The following TCF4 variants were observed in gnomAD, a reference collection of about 807,000 sequenced individuals.
TCF4 encodes SL3-3 enhancer factor 2.
Under a neutral mutation model 82.1 loss-of-function variants are expected in TCF4, and 3 were observed. That is an observed-to-expected ratio of 0.04 (90% CI 0.02 to 0.09). TCF4 has a LOEUF of 0.09. Ranked by LOEUF, TCF4 falls within the 10% of genes least tolerant of loss-of-function variation. The pLI, the probability that TCF4 is intolerant of heterozygous loss-of-function variation, is 1.00. For synonymous variants in TCF4, 276 were observed against 309.6 expected, an observed-to-expected ratio of 0.89 and a Z score of 1.14; for missense variants, 518 against 852.7, an observed-to-expected ratio of 0.61 and a Z score of 4.89.
chr18:55,398,819 C>T (rs2093640664), intron 6 of TCF4, among the ~76,000 whole-genome samples: 1 of 152,178 alleles, frequency 6.6e-6, no homozygotes, highest in African/African-American at 2.4e-5. Context: ...GGTCCCTGCC[C>T]TCCAGGAGTT....
intron 7 of TCF4, 149 bp downstream of exon 7, chr18:55,350,725 G>C (rs541809000): frequency 7.8e-6 from 8 of 1,027,204 alleles, no homozygotes; most frequent in Admixed American, 6.3e-5. Context: ...AGTGTACTAG[G>C]GGGGAAGTCT....
intron 11 of TCF4, chr18:55,268,476 G>T (rs2145918887): frequency 6.6e-6 from 1 of 152,050 alleles, no homozygotes; most frequent in African/African-American, 2.4e-5. Flanking sequence ...GCTCTCCAAG[G>T]TCAAACTGAT....
At chr18:55,512,312 C>T (rs1282691580) in intron 3 of TCF4, among the ~76,000 whole-genome samples, 1 of 152,100 alleles carries the variant, frequency 6.6e-6, no homozygotes, top group Non-Finnish European at 1.5e-5. Flanking sequence ...TATTACGCTG[C>T]CTTTAAAAAT....
chr18:55,460,176 T>C (rs532023892), intron 5 of TCF4, among the ~76,000 whole-genome samples: 2 of 152,298 alleles, frequency 1.3e-5, no homozygotes, highest in Admixed American at 6.5e-5. Context: ...ACTTCACTTA[T>C]TGACAGATTC....
chr18:55,289,975 G>A (rs1350185898), intron 8 of TCF4, among the ~76,000 whole-genome samples: 2 of 152,046 alleles, frequency 1.3e-5, no homozygotes, highest in African/African-American at 4.8e-5. Context: ...CTAAGTGCAT[G>A]CATGCATGAA....
intron 5 of TCF4, among the ~76,000 whole-genome samples, chr18:55,442,630 G>C (rs1280498201): frequency 1.3e-5 from 2 of 152,138 alleles, no homozygotes; most frequent in African/African-American, 4.8e-5. Flanking sequence ...AAAAGCTACA[G>C]AGAAAATCTG....
chr18:55,382,389 C>T (rs2092050896), intron 6 of TCF4, among the ~76,000 whole-genome samples: 1 of 151,898 alleles, frequency 6.6e-6, no homozygotes, highest in African/African-American at 2.4e-5. Flanking sequence ...CTATAAGATG[C>T]CACTGAATGT....
intron 10 of TCF4, among the ~76,000 whole-genome samples, chr18:55,275,016 A>G (rs1249583309): frequency 3.9e-5 from 6 of 152,094 alleles, no homozygotes; most frequent in Non-Finnish European, 8.8e-5. Context: ...AGTGACGCAA[A>G]ACACAGTATG....
intron 3 of TCF4, among the ~76,000 whole-genome samples, chr18:55,542,722 A>G (rs572448018): frequency 7.6e-4 from 116 of 152,084 alleles, no homozygotes; most frequent in Non-Finnish European, 1.4e-3. Flanking sequence ...TGTCCACACT[A>G]ACTAAATATA....
chr18:55,234,505 T>C, intron 16 of TCF4, 43 bp downstream of exon 16: 1 of 1,614,018 alleles, frequency 6.2e-7, no homozygotes, highest in East Asian at 2.2e-5. Context: ...ACTGGTCCTA[T>C]TGTGAAAGTG....
chr18:55,415,525 T>C (rs941647326), intron 5 of TCF4, among the ~76,000 whole-genome samples: 12 of 152,208 alleles, frequency 7.9e-5, no homozygotes, highest in Admixed American at 2.0e-4. Context: ...ACTTATTTAG[T>C]ACTAAGTCTC....
chr18:55,222,617 A>G lies in TCF4; in HGVS notation c.*5418T>C, dbSNP rs886053938. On this transcript the variant is annotated 3_prime_UTR_variant, in exon 20 of 20. Coordinates refer to ENST00000354452, the MANE Select transcript of TCF4 (RefSeq NM_001083962.2). ...AAGAGCAATATTGGAGACATCCCCA[A>G]ATACCACGTACTTGATTAGAACATT... is the stretch of plus-strand genomic sequence containing the variant. The G allele has an allele frequency of 1.3e-5, 2 of 152,614 alleles. No homozygotes were observed. Among genetic ancestry groups the G allele is most frequent in the Admixed American group, 6.5e-5 (1 of 15,270 alleles). The allele number at this position is 152,614 out of a possible 1,614,324, so 9.5% of individuals were successfully genotyped here.
At chr18:55,410,680 TG>T (rs2094308211) in intron 5 of TCF4, among the ~76,000 whole-genome samples, 1 of 152,036 alleles carries the variant, frequency 6.6e-6, no homozygotes, top group Non-Finnish European at 1.5e-5. Flanking sequence ...TCCCACAATA[TG>T]CCACCTCCGT....
intron 8 of TCF4, among the ~76,000 whole-genome samples, chr18:55,330,196 T>A (rs2077284509): frequency 6.7e-6 from 1 of 150,000 alleles, no homozygotes; most frequent in African/African-American, 2.5e-5. Context: ...TTTTTTTTTT[T>A]TTTGAGATGT....
intron 3 of TCF4, among the ~76,000 whole-genome samples, chr18:55,539,030 G>A (rs201184031): frequency 5.3e-5 from 8 of 151,370 alleles, no homozygotes; most frequent in Admixed American, 2.6e-4. Context: ...ACACACGTGC[G>A]CGCACACACA....
intron 6 of TCF4, among the ~76,000 whole-genome samples, chr18:55,390,585 G>C (rs1431675037): frequency 6.6e-6 from 1 of 152,138 alleles, no homozygotes; most frequent in Non-Finnish European, 1.5e-5. Context: ...CTAGAGGAAA[G>C]ATAAAATTAT....
chr18:55,556,430 T>G (rs2097305234), intron 3 of TCF4, among the ~76,000 whole-genome samples: 3 of 152,354 alleles, frequency 2.0e-5, no homozygotes, highest in South Asian at 4.1e-4. Context: ...AAATTCACAA[T>G]AGTAGATATG....
At position 55,456,703 on chromosome 18, in the gene TCF4, GT is replaced by G. The variant is rs918112227; in HGVS notation, c.304+4315del. 8.6e-5 allele frequency among the ~76,000 whole-genome samples: 13 copies of G among 152,002 alleles called. No homozygotes were observed. In the East Asian group the frequency reaches 2.3e-3, roughly 27 times the overall value. Reference sequence around the variant, plus strand: ...TTAGTGCTTGACAAAGGAAAAAAAAGTTTTTTTTAATGTCCATATTCTTTCC... The same window carrying G: ...TTAGTGCTTGACAAAGGAAAAAAAAGTTTTTTTAATGTCCATATTCTTTCC... On this transcript the variant is annotated intron_variant, in intron 5 of 19. Transcript: ENST00000354452.
At chr18:55,279,978 C>G (rs572268885) in intron 8 of TCF4, among the ~76,000 whole-genome samples, 68 of 152,050 alleles carry the variant, frequency 4.5e-4, no homozygotes, top group Non-Finnish European at 2.8e-4. Context: ...TCTTTTTCTT[C>G]TAAACACAGA....
Sources: allele counts gnomAD v4.1 joint callset (sites outside exome capture counted in the v4.1 genomes callset), GRCh38; gene constraint gnomAD v4.1.1; transcripts MANE v1.5; gene names NCBI Gene and HGNC (gene_info 2026-07-23, HGNC 2026-07-21).